Variants in NCAN observed in about 807,000 individuals in gnomAD.
NCAN encodes the protein neurocan core protein.
A neutral mutation model predicts 121.8 loss-of-function variants in NCAN; 47 were observed. The observed-to-expected ratio is 0.39, with a 90% CI of 0.31 to 0.49. NCAN has a LOEUF of 0.49. Among genes scored for constraint, NCAN ranks in the 20% least tolerant of loss-of-function variants. The probability of loss-of-function intolerance (pLI) is 0.92; values close to 1 mark genes in which losing one functional copy is unlikely to be tolerated. For missense variants in NCAN, 1,517 were observed against 1,773.4 expected (o/e 0.86, Z 2.60); for synonymous variants, 633 against 702.0 (o/e 0.90, Z 1.55).
chr19:19,247,368 C>T (rs565288084), intron 13 of NCAN, among the ~76,000 whole-genome samples: 2 of 152,320 alleles, frequency 1.3e-5, no homozygotes, highest in East Asian at 3.9e-4. Flanking sequence ...ATTCTCCTGC[C>T]TTGGCCTCCT....
chr19:19,224,479 G>T, intron 5 of NCAN, 46 bp downstream of exon 5: 1 of 1,596,252 alleles, frequency 6.3e-7, no homozygotes, highest in Non-Finnish European at 8.5e-7. Context: ...CTCTCTTTGA[G>T]TATCTATTAT....
At chr19:19,245,026 A>AG (rs1443860690) in intron 12 of NCAN, among the ~76,000 whole-genome samples, 1 of 152,128 alleles carries the variant, frequency 6.6e-6, no homozygotes, top group Non-Finnish European at 1.5e-5. Context: ...CCCACCACTT[A>AG]TCTAACACTG....
rs768287812 is a variant in NCAN, at chr19:19,226,483, C to T, written c.1073-3C>T. ...ACACAACCTCTTCTGCTTTCTCCCA[C>T]AGCTCATCACCCCACGTCACAACAT... On this transcript the variant is annotated splice_polypyrimidine_tract_variant and splice_region_variant and intron_variant, in intron 6 of 14. Transcript: ENST00000252575. 2.6e-6 allele frequency: 4 copies of T among 1,563,626 alleles called. No homozygotes were observed. The highest frequency in any genetic ancestry group is 3.5e-6 in the Non-Finnish European group (4 of 1,151,948).
Position 19,212,221 on chromosome 19 carries a change from G to A in NCAN, c.-8+157G>A, listed in dbSNP as rs890542631. On this transcript the variant is annotated intron_variant, in intron 1 of 14. Transcript: ENST00000252575. This position sits in a 1 kb window ranked among gnomAD's most constrained non-coding sequence, Gnocchi z 4.5. The stretch of plus-strand genomic sequence containing the variant: ...GAGCCCTAGGTTGAGGAGGGAGCGC[G>A]AACTGGGAGGGGGCTTGGGAATGCT... Among the ~76,000 whole-genome samples the A allele has an allele frequency of 6.6e-6, 1 of 151,880 alleles. No individual in the cohort carries two copies. The highest frequency in any genetic ancestry group is 6.6e-5 in the Admixed American group (1 of 15,260).
chr19:19,250,866 C>A lies in NCAN; in HGVS notation c.*955C>A. The A allele has an allele frequency of 6.4e-6, 1 of 156,798 alleles. No homozygotes were observed. The highest frequency in any genetic ancestry group is 1.7e-4 in the East Asian group (1 of 6,050). The allele number at this position is 156,798 out of a possible 1,614,324, so 9.7% of individuals were successfully genotyped here. On this transcript the variant is annotated 3_prime_UTR_variant, in exon 15 of 15. Coordinates refer to ENST00000252575, the MANE Select transcript of NCAN (RefSeq NM_004386.3). Reference sequence around the variant, plus strand: ...ACTCCTGCCCCACCCCACCCTTGTCCCTGGCCATTGCCTGGTGGTCTAGAA... The same window carrying A: ...ACTCCTGCCCCACCCCACCCTTGTCACTGGCCATTGCCTGGTGGTCTAGAA...
At chr19:19,215,816 C>T (rs1012581679) in intron 1 of NCAN, among the ~76,000 whole-genome samples, 1 of 152,198 alleles carries the variant, frequency 6.6e-6, no homozygotes. Flanking sequence ...GACTGCTGCC[C>T]TCTAGGAGCC....
At chr19:19,215,538 C>G (rs960561373) in intron 1 of NCAN, among the ~76,000 whole-genome samples, 7 of 152,080 alleles carry the variant, frequency 4.6e-5, no homozygotes, top group Non-Finnish European at 8.8e-5. Flanking sequence ...GGAAATGGAC[C>G]CACAACTGAA....
intron 12 of NCAN, among the ~76,000 whole-genome samples, chr19:19,241,561 G>A (rs531606133): frequency 7.3e-4 from 111 of 152,084 alleles, no homozygotes; most frequent in African/African-American, 2.6e-3. Context: ...ATAGAAGCTG[G>A]GCACAGTGGT....
rs764304267 is a variant in NCAN at position 19,223,978 on chromosome 19, A to G, written c.476-43A>G. 2.0e-6 allele frequency: 3 copies of G among 1,488,814 alleles called. 1 individual carries two copies. The South Asian group carries it at 4.3e-5, about 21-fold the overall frequency. The allele number at this position is 1,488,814 out of a possible 1,614,324, so 92.2% of individuals were successfully genotyped here. A position where few individuals can be genotyped will look rare whatever the true frequency, so the allele number is the denominator to read the frequency against. ...AGGTAGGTCTGTTCTTGAAGATTCC[A>G]GCATAAGTCAACTGTCCCCCCATCC... On this transcript the variant is annotated intron_variant, in intron 3 of 14. Transcript: ENST00000252575.
At chr19:19,245,580 C>T (rs2060921447) in intron 13 of NCAN, 123 bp downstream of exon 13, 5 of 1,143,280 alleles carry the variant, frequency 4.4e-6, no homozygotes, top group South Asian at 3.1e-5. Flanking sequence ...TGGGTTCAAG[C>T]CATCCTCCTG....
intron 13 of NCAN, among the ~76,000 whole-genome samples, chr19:19,247,315 G>A (rs576625941): frequency 6.8e-4 from 103 of 152,060 alleles, no homozygotes; most frequent in African/African-American, 2.4e-3. Context: ...GTGCAGTGGC[G>A]CAATCTCGGC....
Position 19,250,153 on chromosome 19 carries a change from A to C in NCAN, c.*242A>C, listed in dbSNP as rs540470254. ...CATTCTCGTCTGGCTGAACTCTGGGAGTGTGTCCCAGCTGAGGGAAGCACA... is the reference window on the plus strand; with the variant it reads ...CATTCTCGTCTGGCTGAACTCTGGGCGTGTGTCCCAGCTGAGGGAAGCACA... On this transcript the variant is annotated 3_prime_UTR_variant, in exon 15 of 15. Coordinates refer to ENST00000252575, the MANE Select transcript of NCAN (RefSeq NM_004386.3). The C allele has an allele frequency of 2.6e-5, 17 of 660,018 alleles. No individual in the cohort carries two copies. The highest frequency in any genetic ancestry group is 2.4e-4 in the Middle Eastern group (1 of 4,138). 40.9% of individuals were successfully genotyped at this position (660,018 alleles called of 1,614,324 possible).
chr19:19,216,844 G>C, intron 1 of NCAN, 103 bp from the exon 2 acceptor site: 1 of 597,842 alleles, frequency 1.7e-6, no homozygotes, highest in Non-Finnish European at 2.7e-6. Flanking sequence ...TCTGAGCCCT[G>C]GTTTCCTGAT....
chr19:19,229,457 G>A (rs2060850451), intron 8 of NCAN, among the ~76,000 whole-genome samples: 2 of 152,172 alleles, frequency 1.3e-5, no homozygotes, highest in South Asian at 4.1e-4. Context: ...CTGGAATTCG[G>A]TGATTTGACT....
intron 8 of NCAN, among the ~76,000 whole-genome samples, chr19:19,233,317 T>A (rs2060867946): frequency 1.4e-5 from 2 of 139,806 alleles, no homozygotes; most frequent in East Asian, 4.3e-4. Flanking sequence ...AGGATCTGGG[T>A]TGGCTGGAGC....
In NCAN at chr19:19,226,856, G is replaced by T; in HGVS notation, c.1443G>T (p.Gly481=). ...CTGACCCTATGCCTAGGAGAAGGGG[G>T]CGCTTCAAAGGGTTGAATGGGCGCT... ...APTDPMPRRR[G]RFKGLNGRYF... Residue 481 remains glycine (G), a synonymous_variant, in exon 7 of 15, where the codon GGG becomes GGT. Coordinates refer to ENST00000252575, the MANE Select transcript of NCAN (RefSeq NM_004386.3). 6.2e-7 allele frequency: 1 copy of T among 1,613,086 alleles called. No individual in the cohort carries two copies. The highest frequency in any genetic ancestry group is 8.5e-7 in the Non-Finnish European group (1 of 1,179,876).
At chr19:19,240,178 A>G (rs533531597) in intron 11 of NCAN, among the ~76,000 whole-genome samples, 1 of 115,980 alleles carries the variant, frequency 8.6e-6, no homozygotes, top group Middle Eastern at 4.6e-3. Flanking sequence ...CCTCCCCCTC[A>G]TCTCTCTCCT....
chr19:19,237,821 A>G (rs1399940695), intron 10 of NCAN, among the ~76,000 whole-genome samples: 3 of 152,206 alleles, frequency 2.0e-5, no homozygotes, highest in Non-Finnish European at 4.4e-5. Flanking sequence ...AGGTGGGCAG[A>G]TCACTTGAGG....
In NCAN at chr19:19,227,012, C is replaced by T. The variant is rs143391780; in HGVS notation, c.1599C>T (p.Gly533=). ...CCATGGCAGTCACAGAGATGTTGGG[C>T]AGTGGCCAGAGCCGGAGCCCCTGGG... ...PLAMAVTEML[G]SGQSRSPWAD... is the part of the protein sequence containing the mutation. The change falls in exon 7 of 15, where the codon GGC becomes GGT. Residue 533 remains glycine (G), a synonymous_variant. Coordinates refer to ENST00000252575, the MANE Select transcript of NCAN (RefSeq NM_004386.3). This position sits in a 1 kb window ranked among gnomAD's most constrained non-coding sequence, Gnocchi z 4.2. 1.7e-3 allele frequency: 2,539 copies of T among 1,526,106 alleles called. 2 individuals carry two copies. The highest frequency in any genetic ancestry group is 3.3e-3 in the Middle Eastern group (17 of 5,098). The allele number at this position is 1,526,106 out of a possible 1,614,324, so 94.5% of individuals were successfully genotyped here.
Sources: allele counts gnomAD v4.1 joint callset (sites outside exome capture counted in the v4.1 genomes callset), GRCh38; gene constraint gnomAD v4.1.1; non-coding constraint Gnocchi (gnomAD v3.1); transcripts MANE v1.5; gene names NCBI Gene and HGNC (gene_info 2026-07-23, HGNC 2026-07-21).